The following ZNF804B variants were observed in gnomAD, a reference collection of about 807,000 sequenced individuals.
ZNF804B encodes zinc finger protein 804B.
Under a neutral mutation model 101.4 loss-of-function variants are expected in ZNF804B, and 80 were observed. That is an observed-to-expected ratio of 0.79 (90% CI 0.66 to 0.95). The LOEUF is 0.95. Ranked by LOEUF, ZNF804B falls within the 40% of genes least tolerant of loss-of-function variation. The pLI, the probability that ZNF804B is intolerant of heterozygous loss-of-function variation, is 0.00. For synonymous variants in ZNF804B, 622 were observed against 558.8 expected, an observed-to-expected ratio of 1.11 and a Z score of -1.59; for missense variants, 1,673 against 1,561.9, an observed-to-expected ratio of 1.07 and a Z score of -1.20.
chr7:88,870,894 A>G (rs1251509418), intron 1 of ZNF804B, among the ~76,000 whole-genome samples: 1 of 152,170 alleles, frequency 6.6e-6, no homozygotes, highest in Non-Finnish European at 1.5e-5. Context: ...TGTCTGTATT[A>G]TTGATGATGG....
intron 1 of ZNF804B, among the ~76,000 whole-genome samples, chr7:88,954,757 T>C (rs1793278372): frequency 6.6e-6 from 1 of 151,782 alleles, no homozygotes; most frequent in Admixed American, 6.6e-5. Flanking sequence ...ATTTCAGCTT[T>C]GCTTTTAAGA....
At chr7:89,195,312 C>T (rs1374858533) in intron 1 of ZNF804B, among the ~76,000 whole-genome samples, 2,849 of 94,028 alleles carry the variant, frequency 0.03, no homozygotes, top group Admixed American at 0.054. Context: ...CATTCCTATT[C>T]AACATAGTGT....
intron 2 of ZNF804B, among the ~76,000 whole-genome samples, chr7:89,289,150 A>T (rs34779542): frequency 2.1e-4 from 31 of 150,702 alleles, no homozygotes; most frequent in Non-Finnish European, 3.5e-4. Context: ...ATCTATTACA[A>T]TGGTAAGAAA....
rs139960501 is a variant in ZNF804B at position 89,336,233 on chromosome 7, G to T, written c.3251G>T (p.Gly1084Val). The T allele has an allele frequency of 6.2e-7, 1 of 1,613,756 alleles. No individual in the cohort carries two copies. Among genetic ancestry groups the T allele is most frequent in the Admixed American group, 1.7e-5 (1 of 59,936 alleles). Residue 1084 changes from glycine (G) to valine (V), a missense_variant, in exon 4 of 4, where the codon GGT becomes GTT. Physicochemically the swap from Gly to Val is moderately radical, Grantham distance 109. Transcript: ENST00000333190. Reference sequence around the variant, plus strand: ...GCTTTTCCGTCTAATAAATATACTGGTGTGACTGATTCAACAGAGACCCAA... The same window carrying T: ...GCTTTTCCGTCTAATAAATATACTGTTGTGACTGATTCAACAGAGACCCAA... ...PGAFPSNKYT[G>V]VTDSTETQED...
chr7:88,860,551 C>T (rs1056289138), intron 1 of ZNF804B, among the ~76,000 whole-genome samples: 4 of 151,836 alleles, frequency 2.6e-5, no homozygotes, highest in African/African-American at 9.7e-5. Context: ...AGCAACTTAC[C>T]CAAGGTTCAT....
chr7:88,975,112 A>AT (rs1044648584), intron 1 of ZNF804B, among the ~76,000 whole-genome samples: 14 of 151,258 alleles, frequency 9.3e-5, no homozygotes, highest in African/African-American at 2.9e-4. Flanking sequence ...ACAGAATGGC[A>AT]TTTTTTTATA....
chr7:89,138,071 GT>G (rs1417528354), intron 1 of ZNF804B, among the ~76,000 whole-genome samples: 1 of 152,150 alleles, frequency 6.6e-6, no homozygotes, highest in Non-Finnish European at 1.5e-5. Flanking sequence ...AAAAATTGAG[GT>G]TTGGGAACCT....
chr7:88,951,913 A>T (rs1346910909), intron 1 of ZNF804B, among the ~76,000 whole-genome samples: 1 of 151,928 alleles, frequency 6.6e-6, no homozygotes, highest in Non-Finnish European at 1.5e-5. Context: ...TTGATTTCAT[A>T]TCCAAGGGTG....
chr7:89,084,867 A>G (rs1411522024), intron 1 of ZNF804B, among the ~76,000 whole-genome samples: 1 of 151,938 alleles, frequency 6.6e-6, no homozygotes, highest in Admixed American at 6.6e-5. Context: ...TACTTCTTCA[A>G]TAAAATGTTA....
At chr7:89,080,975 A>G (rs996011169) in intron 1 of ZNF804B, among the ~76,000 whole-genome samples, 1 of 151,956 alleles carries the variant, frequency 6.6e-6, no homozygotes, top group Non-Finnish European at 1.5e-5. Context: ...GAAAAGCTTG[A>G]TGCATTCCAA....
chr7:89,103,048 G>GTTTTTTTTTTTTTTTTTTTTTTTT (rs56693128), intron 1 of ZNF804B, among the ~76,000 whole-genome samples: 1 of 33,750 alleles, frequency 3.0e-5, no homozygotes. Flanking sequence ...CTATGTGTCT[G>GTTTTTTTTTTTTTTTTTTTTTTTT]TTTTTTTTTT....
intron 1 of ZNF804B, among the ~76,000 whole-genome samples, chr7:88,941,741 C>G (rs1050371192): frequency 1.3e-5 from 2 of 151,862 alleles, no homozygotes; most frequent in East Asian, 3.9e-4. Context: ...AGGAATGAAC[C>G]CTAATATAAA....
At chr7:89,294,668 T>G (rs1477617496) in intron 2 of ZNF804B, among the ~76,000 whole-genome samples, 4 of 152,228 alleles carry the variant, frequency 2.6e-5, no homozygotes, top group Non-Finnish European at 5.9e-5. Flanking sequence ...TTCCTGTCTC[T>G]GTTATTTCCT....
chr7:89,169,362 C>T (rs1791191926), intron 1 of ZNF804B, among the ~76,000 whole-genome samples: 1 of 152,186 alleles, frequency 6.6e-6, no homozygotes, highest in Non-Finnish European at 1.5e-5. Flanking sequence ...TGTCCCTCCA[C>T]CTGTGCTCTC....
chr7:89,003,920 A>C (rs2116177792), intron 1 of ZNF804B, among the ~76,000 whole-genome samples: 1 of 152,068 alleles, frequency 6.6e-6, no homozygotes, highest in African/African-American at 2.4e-5. Context: ...TGAGTGCCAT[A>C]GTTTCAGGAA....
At chr7:88,859,549 T>C (rs1791618615) in intron 1 of ZNF804B, among the ~76,000 whole-genome samples, 1 of 152,122 alleles carries the variant, frequency 6.6e-6, no homozygotes, top group Non-Finnish European at 1.5e-5. Flanking sequence ...CTCTCTTTCA[T>C]TAGTTTGAAT....
rs1270807674 is a variant in ZNF804B, at chr7:89,335,595, T to G, written c.2613T>G (p.Asn871Lys). Residue 871 changes from asparagine (N) to lysine (K), a missense_variant, in exon 4 of 4, where the codon AAT (asparagine) becomes AAG (lysine). Asn to Lys is a moderately conservative substitution (Grantham distance 94). Transcript: ENST00000333190. ...KMYYLNKSKR[N>K]QESLGSPHIC... ...ATTACTTGAATAAAAGCAAGAGAAATCAAGAGTCTTTGGGCAGCCCTCACA... is the reference window on the plus strand; with the variant it reads ...ATTACTTGAATAAAAGCAAGAGAAAGCAAGAGTCTTTGGGCAGCCCTCACA... 1 of 1,613,796 alleles carries G rather than the reference T, an allele frequency of 6.2e-7. No homozygotes were observed. The highest frequency in any genetic ancestry group is 2.2e-5 in the East Asian group (1 of 44,848).
intron 1 of ZNF804B, among the ~76,000 whole-genome samples, chr7:89,058,829 G>T (rs1299541213): frequency 1.3e-5 from 2 of 152,122 alleles, no homozygotes; most frequent in Admixed American, 6.5e-5. Flanking sequence ...GAGTAGCTAG[G>T]ACTACAGGCC....
intron 1 of ZNF804B, among the ~76,000 whole-genome samples, chr7:89,091,697 C>T (rs1287278503): frequency 6.6e-6 from 1 of 152,176 alleles, no homozygotes; most frequent in Admixed American, 6.5e-5. Flanking sequence ...CCTTGTGTGG[C>T]TCATTCTCCC....
Sources: allele counts gnomAD v4.1 joint callset (sites outside exome capture counted in the v4.1 genomes callset), GRCh38; gene constraint gnomAD v4.1.1; transcripts MANE v1.5; gene names NCBI Gene and HGNC (gene_info 2026-07-23, HGNC 2026-07-21).